Variants in ATP2B4 observed in about 807,000 individuals in gnomAD.
ATP2B4 encodes the protein ATPase plasma membrane Ca2+ transporting 4, also known as plasma membrane calcium-transporting ATPase 4.
In ATP2B4, 39 loss-of-function variants were observed where a neutral mutation model predicts 110.3. The observed-to-expected ratio is 0.35, with a 90% CI of 0.27 to 0.46. ATP2B4 has a LOEUF of 0.46. ATP2B4 is among the 20% of genes least tolerant of loss of function. ATP2B4 has a pLI of 1.00. For missense variants in ATP2B4, 1,135 were observed against 1,530.9 expected, an observed-to-expected ratio of 0.74 and a Z score of 4.32; for synonymous variants, 538 against 571.7, an observed-to-expected ratio of 0.94 and a Z score of 0.84.
chr1:203,719,755 TG>T (rs1666267930), intron 15 of ATP2B4, among the ~76,000 whole-genome samples: 1 of 151,402 alleles, frequency 6.6e-6, no homozygotes, highest in African/African-American at 2.4e-5. Flanking sequence ...AATAAATAAA[TG>T]TAATATATTC....
rs185277318 is a variant in ATP2B4 at position 203,670,090 on chromosome 1, T to C, written c.-464-12652T>C. Among the ~76,000 whole-genome samples the C allele has an allele frequency of 4.2e-3, 645 of 152,344 alleles. 2 individuals carry two copies. The highest frequency in any genetic ancestry group is 6.1e-3 in the Non-Finnish European group (418 of 68,028). On this transcript the variant is annotated intron_variant, in intron 1 of 20. Coordinates refer to ENST00000357681, the MANE Select transcript of ATP2B4 (RefSeq NM_001684.5). ...TGAGTTTTGGAAGCTCACTCTACCTTGGGACACTGAAATATGTCTGCATCT... is the reference window on the plus strand; with the variant it reads ...TGAGTTTTGGAAGCTCACTCTACCTCGGGACACTGAAATATGTCTGCATCT...
chr1:203,634,550 C>T (rs545164984), intron 1 of ATP2B4, among the ~76,000 whole-genome samples: 2 of 152,266 alleles, frequency 1.3e-5, no homozygotes, highest in South Asian at 2.1e-4. Flanking sequence ...TTTAGTCTAG[C>T]GTTTAATGGA....
chr1:203,682,993 C>G lies in ATP2B4; in HGVS notation c.-213C>G, dbSNP rs557484255. On this transcript the variant is annotated 5_prime_UTR_variant, in exon 2 of 21. Transcript: ENST00000357681. ...TCAGTTCCCCCATCCTCTTCCTCCTCTCGCTGCCAGACTTCATACGGAAGA... is the reference window on the plus strand; with the variant it reads ...TCAGTTCCCCCATCCTCTTCCTCCTGTCGCTGCCAGACTTCATACGGAAGA... 2.0e-6 allele frequency: 1 copy of G among 497,166 alleles called. No individual in the cohort carries two copies. Among genetic ancestry groups the G allele is most frequent in the Admixed American group, 3.5e-5 (1 of 28,912 alleles). The allele number at this position is 497,166 out of a possible 1,614,324, so 30.8% of individuals were successfully genotyped here.
chr1:203,697,132 G>C (rs1361498123), intron 2 of ATP2B4, among the ~76,000 whole-genome samples: 12 of 152,214 alleles, frequency 7.9e-5, no homozygotes, highest in Non-Finnish European at 1.5e-5. Flanking sequence ...GCCTCTGTGA[G>C]TGTGTGTACA....
intron 18 of ATP2B4, among the ~76,000 whole-genome samples, chr1:203,723,420 ATC>A (rs34964110): frequency 0.024 from 1,062 of 44,522 alleles, 21 homozygotes; most frequent in East Asian, 0.044. Flanking sequence ...TGAGACAGAT[ATC>A]TCTCTCTCTC....
intron 1 of ATP2B4, among the ~76,000 whole-genome samples, chr1:203,660,861 A>G (rs147484661): frequency 0.014 from 2,092 of 152,236 alleles, 15 homozygotes; most frequent in Non-Finnish European, 0.022. Flanking sequence ...CTGTAGTCCC[A>G]GCACTTTGGG....
chr1:203,699,178 T>C (rs1665619396), intron 3 of ATP2B4, among the ~76,000 whole-genome samples: 1 of 152,200 alleles, frequency 6.6e-6, no homozygotes, highest in Non-Finnish European at 1.5e-5. Flanking sequence ...AGCCTGACCA[T>C]GTTGGGAACC....
At position 203,739,941 on chromosome 1, in the gene ATP2B4, G is replaced by A. The variant is rs541199183; in HGVS notation, c.*87G>A. On this transcript the variant is annotated 3_prime_UTR_variant, in exon 21 of 21. Transcript: ENST00000357681. ...TGAGGTGATGATGGGACTTTTCATT[G>A]TCACGTCAGCTGCTGTGTTAACAGC... is the stretch of plus-strand genomic sequence containing the variant. 2.8e-5 allele frequency: 38 copies of A among 1,353,382 alleles called. No homozygotes were observed. The highest frequency in any genetic ancestry group is 1.9e-4 in the African/African-American group (13 of 68,566). The allele number at this position is 1,353,382 out of a possible 1,614,324, so 83.8% of individuals were successfully genotyped here. A position where few individuals can be genotyped will look rare whatever the true frequency, so the allele number is the denominator to read the frequency against.
At chr1:203,686,994 CTTT>C (rs11329273) in intron 2 of ATP2B4, among the ~76,000 whole-genome samples, 1 of 86,468 alleles carries the variant, frequency 1.2e-5, no homozygotes, top group African/African-American at 4.2e-5. Flanking sequence ...GGCATCTGGC[CTTT>C]TTTTTTTTTT....
At chr1:203,719,742 A>G (rs969248181) in intron 15 of ATP2B4, among the ~76,000 whole-genome samples, 1 of 151,558 alleles carries the variant, frequency 6.6e-6, no homozygotes, top group Non-Finnish European at 1.5e-5. Flanking sequence ...AAATAAATAA[A>G]TAAATAAATA....
At chr1:203,650,832 C>A (rs1247487711) in intron 1 of ATP2B4, among the ~76,000 whole-genome samples, 1 of 152,256 alleles carries the variant, frequency 6.6e-6, no homozygotes, top group African/African-American at 2.4e-5. Context: ...CACTCTCATC[C>A]CCTTCCTCCC....
At position 203,742,434 on chromosome 1, in the gene ATP2B4, A is replaced by C. The variant is rs886524371; in HGVS notation, c.*2580A>C. 11 of 152,614 alleles carry C rather than the reference A, an allele frequency of 7.2e-5. No homozygotes were observed. The highest frequency in any genetic ancestry group is 1.3e-4 in the Non-Finnish European group (9 of 68,026). 9.5% of individuals were successfully genotyped at this position (152,614 alleles called of 1,614,324 possible). On this transcript the variant is annotated 3_prime_UTR_variant, in exon 21 of 21. Transcript: ENST00000357681. The stretch of plus-strand genomic sequence containing the variant: ...AAGTTTTTTCTATTCAGTTTCACTG[A>C]TCCAACTGGCAGTGGGTAAATATGG...
At chr1:203,633,372 A>G (rs553773807) in intron 1 of ATP2B4, among the ~76,000 whole-genome samples, 6 of 152,194 alleles carry the variant, frequency 3.9e-5, no homozygotes, top group African/African-American at 1.2e-4. Flanking sequence ...GGGCAGGAGG[A>G]TCGCTGGAGC....
intron 15 of ATP2B4, among the ~76,000 whole-genome samples, chr1:203,718,802 T>A (rs1301095413): frequency 2.0e-5 from 3 of 152,216 alleles, no homozygotes; most frequent in African/African-American, 4.8e-5. Context: ...TCCATAGGTA[T>A]ATGCTACCAG....
chr1:203,672,670 C>T (rs1664709799), intron 1 of ATP2B4, among the ~76,000 whole-genome samples: 1 of 152,060 alleles, frequency 6.6e-6, no homozygotes, highest in Non-Finnish European at 1.5e-5. Flanking sequence ...CCAGAGGCAA[C>T]CAGGGGCAGT....
intron 20 of ATP2B4, chr1:203,727,852 A>G (rs1666571162): frequency 2.4e-6 from 1 of 415,370 alleles, no homozygotes; most frequent in African/African-American, 2.0e-5. Flanking sequence ...CCTCTATCAA[A>G]TGGGCAAGCT....
intron 15 of ATP2B4, among the ~76,000 whole-genome samples, chr1:203,717,386 AT>A (rs1296689874): frequency 6.6e-6 from 1 of 151,854 alleles, no homozygotes; most frequent in Non-Finnish European, 1.5e-5. Context: ...GAATTCATAG[AT>A]TTAAGTATAT....
At chr1:203,730,276 A>G (rs922874393) in intron 20 of ATP2B4, among the ~76,000 whole-genome samples, 1 of 151,434 alleles carries the variant, frequency 6.6e-6, no homozygotes, top group Non-Finnish European at 1.5e-5. Context: ...AGGGCTAGGT[A>G]GGGAAACGCT....
rs769026582 is a variant in ATP2B4, at chr1:203,708,009, C to T, written c.1462C>T (p.Arg488Cys). The T allele has an allele frequency of 7.4e-6, 12 of 1,614,054 alleles. No individual in the cohort carries two copies. In the South Asian group the frequency reaches 7.7e-5, roughly 10 times the overall value. The stretch of plus-strand genomic sequence containing the variant: ...AGCTTATATTGGGGGCATCCATTAC[C>T]GTCAAATCCCAAGCCCTGATGTCTT... ...VQAYIGGIHY[R>C]QIPSPDVFLP... The change falls in exon 10 of 21, where the codon CGT becomes TGT. Residue 488 changes from arginine to cysteine, a missense_variant. This residue lies in a region of ATP2B4 where 368 missense variants were observed against 455.9 expected (regional missense o/e 0.81). Coordinates refer to ENST00000357681, the MANE Select transcript of ATP2B4 (RefSeq NM_001684.5).
Sources: allele counts gnomAD v4.1 joint callset (sites outside exome capture counted in the v4.1 genomes callset), GRCh38; gene constraint gnomAD v4.1.1; regional missense constraint gnomAD v4.1.1; transcripts MANE v1.5; gene names NCBI Gene and HGNC (gene_info 2026-07-23, HGNC 2026-07-21).